The following ARAP2 variants were observed in gnomAD, a reference collection of about 807,000 sequenced individuals.
ARAP2 encodes the protein ArfGAP with RhoGAP domain, ankyrin repeat and PH domain 2.
ARAP2 carries 148 observed loss-of-function variants against 194.5 expected under a neutral mutation model. The observed-to-expected ratio is 0.76, with a 90% confidence interval of 0.67 to 0.87. ARAP2 has a LOEUF of 0.87. ARAP2 is among the 40% of genes least tolerant of loss of function. The pLI is 0.00. For synonymous variants in ARAP2, 695 were observed against 683.5 expected, an observed-to-expected ratio of 1.02 and a Z score of -0.26; for missense variants, 2,128 against 1,989.7, an observed-to-expected ratio of 1.07 and a Z score of -1.32.
At chr4:36,014,332 A>AAGAAAGAG (rs1368911676) in intron 8 of ARAP2, among the ~76,000 whole-genome samples, 4 of 58,790 alleles carry the variant, frequency 6.8e-5, no homozygotes, top group African/African-American at 2.3e-4. Flanking sequence ...GAGAGAAAGA[A>AAGAAAGAG]AGAAAGAAAG....
intron 28 of ARAP2, among the ~76,000 whole-genome samples, chr4:36,086,292 C>T (rs1035035610): frequency 4.6e-5 from 7 of 152,072 alleles, no homozygotes; most frequent in African/African-American, 1.7e-4. Context: ...TTGATGATTT[C>T]ATGACTGCCT....
At chr4:36,015,112 G>C (rs1199871717) in intron 8 of ARAP2, among the ~76,000 whole-genome samples, 3 of 152,120 alleles carry the variant, frequency 2.0e-5, no homozygotes, top group Non-Finnish European at 4.4e-5. Context: ...CAGATTTCTT[G>C]TTATGTAAGA....
chr4:36,057,574 A>AT (rs926556926), intron 2 of ARAP2, among the ~76,000 whole-genome samples: 12 of 151,610 alleles, frequency 7.9e-5, no homozygotes, highest in African/African-American at 2.7e-4. Context: ...GATATATTTG[A>AT]TTTTTTTTAC....
intron 2 of ARAP2, among the ~76,000 whole-genome samples, chr4:36,216,255 C>CA (rs2109295007): frequency 6.6e-6 from 1 of 152,044 alleles, no homozygotes; most frequent in East Asian, 1.9e-4. Flanking sequence ...GACCCTGTCT[C>CA]AAAAAATAAA....
chr4:36,198,135 T>C (rs1018238672), intron 6 of ARAP2, among the ~76,000 whole-genome samples: 1 of 152,248 alleles, frequency 6.6e-6, no homozygotes, highest in Middle Eastern at 3.4e-3. Flanking sequence ...AGTGATAGAA[T>C]AGCTCAGAGG....
intron 5 of ARAP2, among the ~76,000 whole-genome samples, chr4:36,027,269 G>T (rs575475600): frequency 1.3e-5 from 2 of 152,142 alleles, no homozygotes; most frequent in South Asian, 4.2e-4. Context: ...AAAGCACAGA[G>T]AGCAAAGGTA....
intron 28 of ARAP2, among the ~76,000 whole-genome samples, chr4:36,089,673 C>T (rs924343591): frequency 7.2e-5 from 11 of 151,890 alleles, no homozygotes; most frequent in Non-Finnish European, 1.3e-4. Flanking sequence ...TTTTAATTTC[C>T]CGATTATTAA....
At chr4:36,035,352 T>C (rs1055902289) in intron 5 of ARAP2, among the ~76,000 whole-genome samples, 9 of 152,108 alleles carry the variant, frequency 5.9e-5, no homozygotes, top group Admixed American at 2.6e-4. Context: ...TTCTAGGTTA[T>C]TGTGGACCAT....
At chr4:36,103,305 T>A (rs1390518525) in intron 27 of ARAP2, among the ~76,000 whole-genome samples, 1 of 151,764 alleles carries the variant, frequency 6.6e-6, no homozygotes, top group Non-Finnish European at 1.5e-5. Flanking sequence ...TAAAATTTCA[T>A]TCTCATGTAT....
At chr4:36,012,133 T>G (rs1309594540) in intron 9 of ARAP2, among the ~76,000 whole-genome samples, 1 of 152,210 alleles carries the variant, frequency 6.6e-6, no homozygotes, top group Non-Finnish European at 1.5e-5. Flanking sequence ...TGTCTACGAT[T>G]CTTCATAATA....
chr4:36,205,141 C>T (rs1745283694), intron 6 of ARAP2, among the ~76,000 whole-genome samples: 1 of 149,782 alleles, frequency 6.7e-6, no homozygotes, highest in African/African-American at 2.5e-5. Context: ...TATAGTTATA[C>T]TATAAAACAA....
At chr4:36,036,421 T>C (rs1330205733) in intron 5 of ARAP2, among the ~76,000 whole-genome samples, 1 of 151,690 alleles carries the variant, frequency 6.6e-6, no homozygotes, top group Non-Finnish European at 1.5e-5. Context: ...TAGTTTTTGA[T>C]GTTGTTTTGA....
intron 6 of ARAP2, among the ~76,000 whole-genome samples, chr4:36,198,412 C>T (rs762271871): frequency 9.2e-5 from 14 of 152,228 alleles, no homozygotes; most frequent in Non-Finnish European, 1.8e-4. Context: ...AACCTTTAGG[C>T]CCTCCCTGGC....
chr4:36,106,140 T>C (rs1442398984), intron 27 of ARAP2, among the ~76,000 whole-genome samples: 5 of 151,280 alleles, frequency 3.3e-5, no homozygotes, highest in Non-Finnish European at 7.4e-5. Flanking sequence ...GTATGTTCCA[T>C]GTCTTGTGGG....
chr4:36,170,501 C>A (rs1736369975), intron 9 of ARAP2, among the ~76,000 whole-genome samples: 1 of 152,164 alleles, frequency 6.6e-6, no homozygotes, highest in African/African-American at 2.4e-5. Flanking sequence ...AACCAAAAAC[C>A]ATTTGAAATA....
intron 5 of ARAP2, among the ~76,000 whole-genome samples, chr4:36,031,538 C>A (rs1718952570): frequency 6.6e-6 from 1 of 151,988 alleles, no homozygotes; most frequent in African/African-American, 2.4e-5. Flanking sequence ...GTTAACATAA[C>A]AAATACCTAT....
chr4:36,059,279 C>T (rs1245455992), intron 1 of ARAP2, among the ~76,000 whole-genome samples: 1 of 152,130 alleles, frequency 6.6e-6, no homozygotes, highest in African/African-American at 2.4e-5. Flanking sequence ...TAGAAGTTCA[C>T]TCTGTCTTTT....
chr4:36,013,051 T>A (rs1714837588), intron 8 of ARAP2, among the ~76,000 whole-genome samples: 1 of 152,216 alleles, frequency 6.6e-6, no homozygotes, highest in African/African-American at 2.4e-5. Context: ...AGGTAGAGTA[T>A]GTTACATATT....
intron 27 of ARAP2, among the ~76,000 whole-genome samples, chr4:36,105,021 G>GT (rs1470552184): frequency 1.3e-5 from 2 of 151,960 alleles, no homozygotes; most frequent in Non-Finnish European, 2.9e-5. Context: ...TGTGACGTGG[G>GT]TAAGAGAGTG....
Sources: gnomAD v4.1 joint callset for allele counts (sites outside exome capture counted in the v4.1 genomes callset) on GRCh38, gnomAD v4.1.1 for gene constraint, MANE v1.5 for transcripts, NCBI Gene and HGNC (gene_info 2026-07-23, HGNC 2026-07-21) for gene names.